The following NR4A3 variants were observed in gnomAD, a reference collection of about 807,000 sequenced individuals.
NR4A3 encodes chondrosarcoma, extraskeletal myxoid, fused to EWS.
In NR4A3, 13 loss-of-function variants were observed where a neutral mutation model predicts 55.6. That is an observed-to-expected ratio of 0.23 (90% CI 0.15 to 0.37). The LOEUF (loss-of-function observed/expected upper bound fraction) is 0.37, where lower values mean the gene tolerates loss of function less well. NR4A3 is among the 10% of genes least tolerant of loss of function. The pLI is 1.00. For synonymous variants in NR4A3, 342 were observed against 357.9 expected, an observed-to-expected ratio of 0.96 and a Z score of 0.50; for missense variants, 646 against 822.8, an observed-to-expected ratio of 0.79 and a Z score of 2.63.
chr9:99,862,329 A>G (rs1192204852), intron 7 of NR4A3, among the ~76,000 whole-genome samples: 1 of 151,920 alleles, frequency 6.6e-6, no homozygotes, highest in Non-Finnish European at 1.5e-5. Flanking sequence ...GGATTACTTG[A>G]GGTCAGGAGT....
chr9:99,841,909 G>A (rs1284804705), intron 5 of NR4A3, among the ~76,000 whole-genome samples: 7 of 152,134 alleles, frequency 4.6e-5, no homozygotes, highest in African/African-American at 9.7e-5. Context: ...AGTCGAGGCT[G>A]TAGTGAGCCC....
At position 99,832,787 on chromosome 9, in the gene NR4A3, G is replaced by A. The variant is rs41274654; in HGVS notation, c.1050G>A (p.Gln350=). Residue 350 remains glutamine, a synonymous_variant, in exon 4 of 8, where the codon CAG becomes CAA. Coordinates refer to ENST00000395097, the MANE Select transcript of NR4A3 (RefSeq NM_006981.4). ...ACCGATGTCAGTACTGTCGATTTCA[G>A]AAGTGTCTCAGTGTTGGAATGGTAA... ...RRNRCQYCRF[Q]KCLSVGMVKE... 203,538 of 1,598,864 alleles carry A rather than the reference G, an allele frequency of 0.13. 13,750 individuals carry two copies. The highest frequency in any genetic ancestry group is 0.14 in the Non-Finnish European group (163,110 of 1,169,118).
intron 7 of NR4A3, among the ~76,000 whole-genome samples, chr9:99,848,670 A>G (rs1244614198): frequency 1.3e-5 from 2 of 152,260 alleles, no homozygotes; most frequent in African/African-American, 2.4e-5. Context: ...AACCACAAAC[A>G]TAAAAGATAT....
chr9:99,858,483 C>T (rs1321527804), intron 7 of NR4A3, among the ~76,000 whole-genome samples: 1 of 152,230 alleles, frequency 6.6e-6, no homozygotes, highest in African/African-American at 2.4e-5. Context: ...CTATCTGTCG[C>T]ATCTCTAACC....
At chr9:99,847,229 C>T (rs1827770109) in intron 6 of NR4A3, among the ~76,000 whole-genome samples, 1 of 152,198 alleles carries the variant, frequency 6.6e-6, no homozygotes. Context: ...CTGATGTTCA[C>T]CAAAGACATT....
rs1431429439 is a variant in NR4A3 at position 99,822,567 on chromosome 9, A to G, written c.-177+160A>G. On this transcript the variant is annotated intron_variant, in intron 1 of 7. Transcript: ENST00000395097. This position sits in a 1 kb window ranked among gnomAD's most constrained non-coding sequence, Gnocchi z 4.9. ...CTAGCCCAGCGGCCCGTAGGTTCTG[A>G]TCTGAAACTTTTCCCCTGTAGTGGG... is the stretch of plus-strand genomic sequence containing the variant. 1.3e-5 allele frequency among the ~76,000 whole-genome samples: 2 copies of G among 152,086 alleles called. No homozygotes were observed. Among genetic ancestry groups the G allele is most frequent in the African/African-American group, 2.4e-5 (1 of 41,392 alleles).
chr9:99,860,271 G>T (rs986590766), intron 7 of NR4A3, among the ~76,000 whole-genome samples: 1 of 151,242 alleles, frequency 6.6e-6, no homozygotes, highest in African/African-American at 2.4e-5. Context: ...GATGTCTTCA[G>T]AATCTTCCCT....
At chr9:99,824,428 G>A (rs1388686077) in intron 1 of NR4A3, among the ~76,000 whole-genome samples, 1 of 152,246 alleles carries the variant, frequency 6.6e-6, no homozygotes, top group African/African-American at 2.4e-5. Flanking sequence ...GAGACGGGAA[G>A]CACGTGCTAC....
At chr9:99,834,191 G>C (rs74437074) in intron 5 of NR4A3, 2 of 291,592 alleles carry the variant, frequency 6.9e-6, no homozygotes, top group Non-Finnish European at 1.1e-5. Flanking sequence ...ATGGGATATA[G>C]TAAAATCCCA....
At chr9:99,830,233 G>C (rs912776330) in intron 3 of NR4A3, among the ~76,000 whole-genome samples, 4 of 152,170 alleles carry the variant, frequency 2.6e-5, no homozygotes, top group South Asian at 2.1e-4. Context: ...ATTAGTGAGA[G>C]AAGACTCAAA....
At chr9:99,861,668 A>G (rs891435584) in intron 7 of NR4A3, among the ~76,000 whole-genome samples, 1 of 152,226 alleles carries the variant, frequency 6.6e-6, no homozygotes, top group African/African-American at 2.4e-5. Context: ...ACTGAGGATA[A>G]TGCAAATTTT....
chr9:99,847,493 T>C lies in NR4A3; in HGVS notation c.1511T>C (p.Leu504Pro). Residue 504 changes from leucine (L) to proline (P), a missense_variant, in exon 7 of 8, where the codon CTT becomes CCT. Around this residue, in one of 5 missense-constraint regions of NR4A3, gnomAD observed 163 missense variants for 233.0 expected, o/e 0.70. Transcript: ENST00000395097. ...TGCAATGGACTTGTCCTGCATCGAC[T>C]TCAGTGCCTTCGTGGATTTGGGGAG... The part of the protein sequence containing the change: ...VFCNGLVLHR[L>P]QCLRGFGEWL... 6.2e-7 allele frequency: 1 copy of C among 1,614,210 alleles called. No individual in the cohort carries two copies. Among genetic ancestry groups the C allele is most frequent in the Non-Finnish European group, 8.5e-7 (1 of 1,180,026 alleles).
At position 99,827,559 on chromosome 9, in the gene NR4A3, C is replaced by T. The variant is rs545951277; in HGVS notation, c.-2-482C>T. ...ACTCTCTCCCTTGGCCACTAAATCTCTCACAGGGTAGTTTTTCTTGCCTAA... is the reference window on the plus strand; with the variant it reads ...ACTCTCTCCCTTGGCCACTAAATCTTTCACAGGGTAGTTTTTCTTGCCTAA... On this transcript the variant is annotated intron_variant, in intron 2 of 7. Coordinates refer to ENST00000395097, the MANE Select transcript of NR4A3 (RefSeq NM_006981.4). Among the ~76,000 whole-genome samples, 10 of 152,322 alleles carry T rather than the reference C, an allele frequency of 6.6e-5. No individual in the cohort carries two copies. In the South Asian group the frequency reaches 1.0e-3, roughly 16 times the overall value.
intron 1 of NR4A3, among the ~76,000 whole-genome samples, chr9:99,823,913 T>A (rs905260600): frequency 6.6e-6 from 1 of 152,060 alleles, no homozygotes; most frequent in Admixed American, 6.5e-5. Context: ...TCCCCAGGGT[T>A]GGAAACTCCG....
chr9:99,866,023 ACT>A lies in NR4A3; in HGVS notation c.*2159_*2160del, dbSNP rs578176594. 4.9e-4 allele frequency: 106 copies of A among 216,848 alleles called. No individual in the cohort carries two copies. The highest frequency in any genetic ancestry group is 3.0e-3 in the Middle Eastern group (2 of 660). The allele number at this position is 216,848 out of a possible 1,614,324, so 13.4% of individuals were successfully genotyped here. ...ACTAAGACCTAATTTACCTTTCCAT[ACT>A]CTTTTTTTTTCTCAACTTCATCTAT... On this transcript the variant is annotated 3_prime_UTR_variant, in exon 8 of 8. Coordinates refer to ENST00000395097, the MANE Select transcript of NR4A3 (RefSeq NM_006981.4).
intron 5 of NR4A3, among the ~76,000 whole-genome samples, chr9:99,841,014 C>G (rs1410286628): frequency 6.6e-6 from 1 of 152,074 alleles, no homozygotes; most frequent in Non-Finnish European, 1.5e-5. Flanking sequence ...AGGTGGATCA[C>G]AAGGTCAGGA....
At chr9:99,824,537 T>A (rs1344040183) in intron 1 of NR4A3, among the ~76,000 whole-genome samples, 1 of 152,164 alleles carries the variant, frequency 6.6e-6, no homozygotes, top group Non-Finnish European at 1.5e-5. Flanking sequence ...GAATCCCCCA[T>A]TTCCTGGTCG....
At chr9:99,851,612 G>C (rs1827851267) in intron 7 of NR4A3, among the ~76,000 whole-genome samples, 1 of 152,100 alleles carries the variant, frequency 6.6e-6, no homozygotes, top group Non-Finnish European at 1.5e-5. Context: ...AGGCGGTGAA[G>C]TGGGGCAGGA....
At chr9:99,844,565 T>C in intron 5 of NR4A3, 84 bp from the exon 6 acceptor site, 1 of 1,055,694 alleles carries the variant, frequency 9.5e-7, no homozygotes, top group Non-Finnish European at 1.5e-6. Flanking sequence ...TAGGCATTGA[T>C]GGTCTTGGAA....
Sources: allele counts gnomAD v4.1 joint callset (sites outside exome capture counted in the v4.1 genomes callset), GRCh38; gene constraint gnomAD v4.1.1; regional missense constraint gnomAD v4.1.1; non-coding constraint Gnocchi (gnomAD v3.1); transcripts MANE v1.5; gene names NCBI Gene and HGNC (gene_info 2026-07-23, HGNC 2026-07-21).